The following ZNF407 variants were observed in gnomAD, a reference collection of about 807,000 sequenced individuals.
ZNF407 encodes the protein zinc finger protein 407.
In ZNF407, 17 loss-of-function variants were observed where a neutral mutation model predicts 131.2. The ratio of observed to expected loss-of-function variants is 0.13; its 90% confidence interval spans 0.09 to 0.19. The LOEUF (loss-of-function observed/expected upper bound fraction) is 0.19, where lower values mean the gene tolerates loss of function less well. Among genes scored for constraint, ZNF407 ranks in the 10% least tolerant of loss-of-function variants. ZNF407 has a pLI of 1.00. For synonymous variants in ZNF407, 1,156 were observed against 1,062.0 expected (o/e 1.09, Z -1.72); for missense variants, 2,681 against 2,830.6 (o/e 0.95, Z 1.20).
At chr18:74,848,395 A>C (rs1970731884) in intron 4 of ZNF407, among the ~76,000 whole-genome samples, 1 of 152,126 alleles carries the variant, frequency 6.6e-6, no homozygotes, top group African/African-American at 2.4e-5. Context: ...GAATGAAAAG[A>C]AGGTACAGGA....
intron 1 of ZNF407, among the ~76,000 whole-genome samples, chr18:74,628,409 C>A (rs1056770239): frequency 1.3e-5 from 2 of 152,072 alleles, no homozygotes; most frequent in African/African-American, 4.8e-5. Flanking sequence ...ATTCTGCCTG[C>A]CTACCCGCAG....
At chr18:74,860,055 C>T (rs1970915692) in intron 4 of ZNF407, among the ~76,000 whole-genome samples, 1 of 152,114 alleles carries the variant, frequency 6.6e-6, no homozygotes, top group Non-Finnish European at 1.5e-5. Flanking sequence ...CCTGTAATCT[C>T]AACATTTTGG....
Position 74,757,490 on chromosome 18 carries a change from T to C in ZNF407, c.4803-23938T>C, listed in dbSNP as rs112334039. Among the ~76,000 whole-genome samples the C allele has an allele frequency of 2.7e-3, 404 of 152,228 alleles. 4 individuals are homozygous for C. Among genetic ancestry groups the C allele is most frequent in the African/African-American group, 9.2e-3 (381 of 41,592 alleles). On this transcript the variant is annotated intron_variant, in intron 3 of 8. Transcript: ENST00000299687. ...TTTGTTATTTGACTTCTAATTTTAT[T>C]GTATATGACTAAAGGAAATAAAAGT...
intron 7 of ZNF407, among the ~76,000 whole-genome samples, chr18:74,902,102 A>T (rs1178911065): frequency 6.6e-6 from 1 of 152,202 alleles, no homozygotes; most frequent in African/African-American, 2.4e-5. Context: ...ATTGTATATT[A>T]TACTGTCCTG....
intron 8 of ZNF407, among the ~76,000 whole-genome samples, chr18:74,984,278 G>A (rs568461569): frequency 1.7e-4 from 26 of 152,066 alleles, no homozygotes; most frequent in African/African-American, 5.3e-4. Context: ...TGTTCCTGCC[G>A]CTGCTCACTG....
chr18:74,959,282 A>G (rs1233565435), intron 8 of ZNF407, among the ~76,000 whole-genome samples: 1 of 152,218 alleles, frequency 6.6e-6, no homozygotes, highest in Non-Finnish European at 1.5e-5. Context: ...AAATTAGACC[A>G]TCATCATCAG....
chr18:74,934,956 A>G (rs569251636), intron 8 of ZNF407, among the ~76,000 whole-genome samples: 6 of 152,252 alleles, frequency 3.9e-5, no homozygotes, highest in Non-Finnish European at 8.8e-5. Flanking sequence ...AAATTACTCT[A>G]TGTCATTTAT....
intron 4 of ZNF407, among the ~76,000 whole-genome samples, chr18:74,847,973 G>T (rs542625273): frequency 6.6e-6 from 1 of 151,922 alleles, no homozygotes; most frequent in South Asian, 2.1e-4. Context: ...TGTGTATACT[G>T]ACTAGTTTTT....
chr18:74,774,986 G>C (rs897493021), intron 3 of ZNF407, among the ~76,000 whole-genome samples: 5 of 152,036 alleles, frequency 3.3e-5, no homozygotes, highest in African/African-American at 1.2e-4. Flanking sequence ...TTTGGAGAGG[G>C]TACAAGTATT....
chr18:74,650,259 C>T (rs998092005), intron 3 of ZNF407, among the ~76,000 whole-genome samples: 6 of 152,104 alleles, frequency 3.9e-5, no homozygotes, highest in African/African-American at 1.4e-4. Context: ...TGAAAAGTTC[C>T]TTTTCAGCTA....
intron 1 of ZNF407, among the ~76,000 whole-genome samples, chr18:74,599,477 C>G (rs1055732928): frequency 6.6e-6 from 1 of 152,186 alleles, no homozygotes; most frequent in Admixed American, 6.5e-5. Context: ...TAGTAATATA[C>G]TTCCCTAGAG....
At chr18:74,790,314 G>T (rs1168317047) in intron 4 of ZNF407, among the ~76,000 whole-genome samples, 1 of 152,120 alleles carries the variant, frequency 6.6e-6, no homozygotes, top group East Asian at 1.9e-4. Context: ...ACCGAATTCT[G>T]TAGAGATATT....
In ZNF407 at chr18:74,633,619, T is replaced by C; in HGVS notation, c.2600T>C (p.Val867Ala). The change falls in exon 2 of 9, where the codon GTT becomes GCT. Residue 867 changes from valine (V) to alanine (A), a missense_variant. By Grantham distance (64) the Val-to-Ala change is moderately conservative. Around this residue, in one of 6 missense-constraint regions of ZNF407, gnomAD observed 1,789 missense variants for 1,748.7 expected, o/e 1.02. Coordinates refer to ENST00000299687, the MANE Select transcript of ZNF407 (RefSeq NM_017757.3). ...GCCTCTAGTATTACAAACTTGACTG[T>C]TCACATTAGACGAAAACACAGTCAC... is the stretch of plus-strand genomic sequence containing the variant. ...LLASSITNLTVHIRRKHSHQY... is the reference protein window; with the variant it reads ...LLASSITNLTAHIRRKHSHQY... 6.2e-7 allele frequency: 1 copy of C among 1,614,030 alleles called. No individual in the cohort carries two copies. Among genetic ancestry groups the C allele is most frequent in the East Asian group, 2.2e-5 (1 of 44,874 alleles).
intron 4 of ZNF407, among the ~76,000 whole-genome samples, chr18:74,803,536 G>A (rs1404474259): frequency 6.6e-6 from 1 of 152,142 alleles, no homozygotes; most frequent in East Asian, 1.9e-4. Flanking sequence ...TTATTTTTAG[G>A]AGAGGAATAT....
intron 3 of ZNF407, among the ~76,000 whole-genome samples, chr18:74,687,033 T>C (rs938578521): frequency 9.9e-5 from 15 of 152,282 alleles, no homozygotes; most frequent in Non-Finnish European, 1.6e-4. Context: ...TCTTGGGGAA[T>C]ATGCACAATA....
At chr18:74,976,529 C>T (rs1972530718) in intron 8 of ZNF407, among the ~76,000 whole-genome samples, 2 of 152,148 alleles carry the variant, frequency 1.3e-5, no homozygotes, top group Non-Finnish European at 2.9e-5. Flanking sequence ...GCAATTGGCA[C>T]AAAGACCGAG....
intron 8 of ZNF407, among the ~76,000 whole-genome samples, chr18:75,017,741 T>C (rs1241779313): frequency 6.6e-6 from 1 of 152,156 alleles, no homozygotes; most frequent in African/African-American, 2.4e-5. Context: ...ATCCCTCTTA[T>C]AATGGTAGCC....
At chr18:75,029,076 G>C (rs1210834289) in intron 8 of ZNF407, among the ~76,000 whole-genome samples, 1 of 152,162 alleles carries the variant, frequency 6.6e-6, no homozygotes, top group African/African-American at 2.4e-5. Flanking sequence ...TCAGAATAAA[G>C]ACTGGCCCTT....
intron 3 of ZNF407, among the ~76,000 whole-genome samples, chr18:74,676,566 A>T (rs1300815795): frequency 6.6e-6 from 1 of 151,386 alleles, no homozygotes; most frequent in African/African-American, 2.4e-5. Context: ...CCTCCCGAGT[A>T]GCTGGGACTA....
Sources: allele counts gnomAD v4.1 joint callset (sites outside exome capture counted in the v4.1 genomes callset), GRCh38; gene constraint gnomAD v4.1.1; regional missense constraint gnomAD v4.1.1; transcripts MANE v1.5; gene names NCBI Gene and HGNC (gene_info 2026-07-23, HGNC 2026-07-21).